The following TRERF1 variants were observed in gnomAD, a reference collection of about 807,000 sequenced individuals.
TRERF1 encodes transcriptional-regulating factor 1.
In TRERF1, 27 loss-of-function variants were observed where a neutral mutation model predicts 122.9. The observed-to-expected ratio is 0.22, with a 90% CI of 0.16 to 0.30. The LOEUF is 0.30. Ranked by LOEUF, TRERF1 falls within the 10% of genes least tolerant of loss-of-function variation. The probability of loss-of-function intolerance (pLI) is 1.00; values close to 1 mark genes in which losing one functional copy is unlikely to be tolerated. For synonymous variants in TRERF1, 636 were observed against 641.7 expected (o/e 0.99, Z 0.13); for missense variants, 1,248 against 1,560.3 (o/e 0.80, Z 3.37).
intron 2 of TRERF1, among the ~76,000 whole-genome samples, chr6:42,421,654 G>T (rs1782778593): frequency 6.6e-6 from 1 of 151,924 alleles, no homozygotes; most frequent in Non-Finnish European, 1.5e-5. Context: ...CACGCCTGTA[G>T]TCCCGGCTAA....
At chr6:42,352,277 G>A (rs912953278) in intron 3 of TRERF1, among the ~76,000 whole-genome samples, 25 of 152,308 alleles carry the variant, frequency 1.6e-4, no homozygotes, top group Middle Eastern at 3.4e-3. Context: ...TTACAGGCGT[G>A]AGCCACTGCA....
intron 3 of TRERF1, among the ~76,000 whole-genome samples, chr6:42,353,264 G>A (rs1051910281): frequency 1.3e-5 from 2 of 151,982 alleles, no homozygotes; most frequent in Non-Finnish European, 2.9e-5. Flanking sequence ...GTATACACCA[G>A]AGTTGTTTGA....
rs141571647 is a variant in TRERF1 at position 42,268,664 on chromosome 6, C to T, written c.927G>A (p.Pro309=). The change falls in exon 5 of 18, where the codon CCG becomes CCA. Residue 309 remains proline, a synonymous_variant. Coordinates refer to ENST00000372922, the Ensembl canonical transcript of TRERF1. The surrounding 1 kb of genome is among the most constrained non-coding windows in gnomAD (Gnocchi z 4.4). The stretch of plus-strand genomic sequence containing the variant: ...GCCGCTGCTGCAGCTGTAGCTGCTG[C>T]GGCTGCTGCTGCTGTGGCGGCGGCT... 51 of 1,613,832 alleles carry T rather than the reference C, an allele frequency of 3.2e-5. No individual in the cohort carries two copies. Among genetic ancestry groups the T allele is most frequent in the Admixed American group, 6.7e-5 (4 of 59,968 alleles).
chr6:42,383,788 C>A (rs1424792040), intron 2 of TRERF1, among the ~76,000 whole-genome samples: 7 of 152,020 alleles, frequency 4.6e-5, no homozygotes, highest in African/African-American at 1.7e-4. Flanking sequence ...TTGGAAAGAC[C>A]AACAACTCAA....
intron 2 of TRERF1, among the ~76,000 whole-genome samples, chr6:42,438,365 T>A (rs1785834587): frequency 6.6e-6 from 1 of 150,768 alleles, no homozygotes; most frequent in South Asian, 2.1e-4. Context: ...ATCCCAGCAC[T>A]TCGGGAGGCC....
At chr6:42,264,933 C>T in intron 6 of TRERF1, 79 bp from the exon 7 acceptor site, 2 of 1,493,864 alleles carry the variant, frequency 1.3e-6, no homozygotes, top group South Asian at 2.5e-5. Context: ...AGACCTCATA[C>T]CCACCACAAA....
In TRERF1 at chr6:42,263,420, G is replaced by A. The variant is rs755051845; in HGVS notation, c.1784C>T (p.Pro595Leu). The change falls in exon 8 of 18, where the codon CCC becomes CTC. Residue 595 changes from proline to leucine, a missense_variant. By Grantham distance (98) the Pro-to-Leu change is moderately conservative. Transcript: ENST00000372922. The surrounding 1 kb of genome is among the most constrained non-coding windows in gnomAD (Gnocchi z 5.6). ...GGTGAACCCCTGAGAGCTGGGCTTG[G>A]GCGGGAGAAGCTTGACAGGGACAGA... 1.2e-6 allele frequency: 2 copies of A among 1,611,938 alleles called. No homozygotes were observed. The highest frequency in any genetic ancestry group is 1.7e-6 in the Non-Finnish European group (2 of 1,179,098).
rs775861205 is a variant in TRERF1 at position 42,436,800 on chromosome 6, C to CAAAA, written c.-454+14373_-454+14376dup. Among the ~76,000 whole-genome samples the CAAAA allele has an allele frequency of 4.8e-3, 374 of 77,464 alleles. 9 individuals carry two copies. The highest frequency in any genetic ancestry group is 0.022 in the East Asian group (52 of 2,312). 50.8% of individuals were successfully genotyped at this position (77,464 alleles called of 152,430 possible). On this transcript the variant is annotated intron_variant, in intron 2 of 17. Transcript: ENST00000372922. The stretch of plus-strand genomic sequence containing the variant: ...ATGAATTATTTGCAATCTCCCTCTA[C>CAAAA]AAAAAAAAAAAAAAATATATATATA...
chr6:42,300,367 G>T (rs1041549192), intron 4 of TRERF1, among the ~76,000 whole-genome samples: 3 of 152,128 alleles, frequency 2.0e-5, no homozygotes, highest in Non-Finnish European at 4.4e-5. Context: ...TGTAAGACCT[G>T]TCCAAGGTCC....
chr6:42,244,565 A>C (rs1297410722), intron 14 of TRERF1, among the ~76,000 whole-genome samples: 1 of 152,196 alleles, frequency 6.6e-6, no homozygotes, highest in Non-Finnish European at 1.5e-5. Flanking sequence ...AAGGGAGCAC[A>C]CTATAAATAC....
chr6:42,439,737 C>T (rs917093924), intron 2 of TRERF1, among the ~76,000 whole-genome samples: 1 of 152,236 alleles, frequency 6.6e-6, no homozygotes, highest in African/African-American at 2.4e-5. Flanking sequence ...CTTGGACCGC[C>T]TGGCCTTCTG....
rs570181221 is a variant in TRERF1, at chr6:42,433,873, T to A, written c.-454+17304A>T. 5.3e-5 allele frequency among the ~76,000 whole-genome samples: 8 copies of A among 152,004 alleles called. No individual in the cohort carries two copies. The South Asian group carries it at 1.0e-3, about 20-fold the overall frequency. On this transcript the variant is annotated intron_variant, in intron 2 of 17. Coordinates refer to ENST00000372922, the Ensembl canonical transcript of TRERF1. ...ATCTCTACAAAAAAAAAATTTTTTT[T>A]AATTATCCAAGCATGGTGGAGCACA...
chr6:42,451,731 C>T (rs913963388), intron 1 of TRERF1, among the ~76,000 whole-genome samples: 2 of 151,926 alleles, frequency 1.3e-5, no homozygotes, highest in African/African-American at 4.8e-5. Context: ...GATATAGCGC[C>T]CGCCAGCCCC....
chr6:42,449,449 C>T (rs2151844318), intron 2 of TRERF1, among the ~76,000 whole-genome samples: 1 of 146,098 alleles, frequency 6.8e-6, no homozygotes, highest in Admixed American at 6.8e-5. Context: ...ACCGCAAGAA[C>T]ATTCTCGGTA....
At chr6:42,283,611 CTT>C (rs869206003) in intron 4 of TRERF1, among the ~76,000 whole-genome samples, 312 of 107,950 alleles carry the variant, frequency 2.9e-3, no homozygotes, top group African/African-American at 9.9e-3. Context: ...ATGAAAAAAA[CTT>C]TTTTTTTTTT....
intron 2 of TRERF1, among the ~76,000 whole-genome samples, chr6:42,414,789 T>G (rs1377331430): frequency 2.6e-5 from 4 of 152,238 alleles, no homozygotes; most frequent in Non-Finnish European, 4.4e-5. Context: ...ACTAAAGGTC[T>G]GAACAACCCA....
At chr6:42,299,910 T>C (rs1279269249) in intron 4 of TRERF1, among the ~76,000 whole-genome samples, 1 of 152,196 alleles carries the variant, frequency 6.6e-6, no homozygotes, top group Non-Finnish European at 1.5e-5. Context: ...GATTCTCTAC[T>C]GAAGATGGTG....
At position 42,269,840 on chromosome 6, in the gene TRERF1, C is replaced by T. The variant is rs1197589364; in HGVS notation, c.-250G>A. On this transcript the variant is annotated 5_prime_UTR_variant, in exon 5 of 18. Coordinates refer to ENST00000372922, the Ensembl canonical transcript of TRERF1. This position sits in a 1 kb window ranked among gnomAD's most constrained non-coding sequence, Gnocchi z 4.9. ...ACACAGCACTGTGGTGAGGAGACGT[C>T]GCTCACACCTGCAAGGCAAGATGCA... 23 of 937,088 alleles carry T rather than the reference C, an allele frequency of 2.5e-5. No individual in the cohort carries two copies. The highest frequency in any genetic ancestry group is 1.5e-4 in the African/African-American group (9 of 59,938). 58.0% of individuals were successfully genotyped at this position (937,088 alleles called of 1,614,324 possible).
At position 42,228,282 on chromosome 6, in the gene TRERF1, GT is replaced by G; in HGVS notation, c.*62del. 1 of 1,445,540 alleles carries G rather than the reference GT, an allele frequency of 6.9e-7. No homozygotes were observed. The highest frequency in any genetic ancestry group is 9.3e-7 in the Non-Finnish European group (1 of 1,075,174). The allele number at this position is 1,445,540 out of a possible 1,614,324, so 89.5% of individuals were successfully genotyped here. A position where few individuals can be genotyped will look rare whatever the true frequency, so the allele number is the denominator to read the frequency against. On this transcript the variant is annotated 3_prime_UTR_variant, in exon 18 of 18. Transcript: ENST00000372922. The surrounding 1 kb of genome is among the most constrained non-coding windows in gnomAD (Gnocchi z 4.2). ...GTTACAAAACAAGCAGGCAGTCCAGGTTTCCTGATTAATGAAGATGGAGGCC... is the reference window on the plus strand; with the variant it reads ...GTTACAAAACAAGCAGGCAGTCCAGGTTCCTGATTAATGAAGATGGAGGCC...
Sources: gnomAD v4.1 joint callset for allele counts (sites outside exome capture counted in the v4.1 genomes callset) on GRCh38, gnomAD v4.1.1 for gene constraint, Gnocchi (gnomAD v3.1) non-coding constraint, MANE v1.5 for transcripts, NCBI Gene and HGNC (gene_info 2026-07-23, HGNC 2026-07-21) for gene names.